The following ADGRV1 variants were observed in gnomAD, a reference collection of about 807,000 sequenced individuals.
ADGRV1 encodes G-protein coupled receptor 98.
A neutral mutation model predicts 596.2 loss-of-function variants in ADGRV1; 359 were observed. The ratio of observed to expected loss-of-function variants is 0.60; its 90% CI spans 0.55 to 0.66. The LOEUF is 0.66. Ranked by LOEUF, ADGRV1 falls within the 30% of genes least tolerant of loss-of-function variation. ADGRV1 has a pLI of 0.00. For missense variants in ADGRV1, 7,274 were observed against 7,575.6 expected, an observed-to-expected ratio of 0.96 and a Z score of 1.48; for synonymous variants, 2,681 against 2,679.2, an observed-to-expected ratio of 1.00 and a Z score of -0.02.
At chr5:90,598,191 G>A (rs1485758870) in intron 1 of ADGRV1, among the ~76,000 whole-genome samples, 1 of 152,116 alleles carries the variant, frequency 6.6e-6, no homozygotes, top group Non-Finnish European at 1.5e-5. Context: ...TGTTTACTGC[G>A]GTATACCCAC....
At chr5:90,831,446 G>A (rs139911045) in intron 77 of ADGRV1, among the ~76,000 whole-genome samples, 2 of 152,054 alleles carry the variant, frequency 1.3e-5, no homozygotes, top group African/African-American at 4.8e-5. Context: ...GTACATAGTA[G>A]ATGTATATAT....
intron 85 of ADGRV1, among the ~76,000 whole-genome samples, chr5:91,014,451 T>C (rs2151161954): frequency 6.6e-6 from 1 of 152,218 alleles, no homozygotes; most frequent in African/African-American, 2.4e-5. Context: ...ATAGAAATAG[T>C]ACCAGCTCTT....
chr5:91,111,916 CACA>C (rs1244148088), intron 87 of ADGRV1, among the ~76,000 whole-genome samples: 3 of 152,176 alleles, frequency 2.0e-5, no homozygotes, highest in Non-Finnish European at 1.5e-5. Flanking sequence ...TCTATAACTT[CACA>C]AATAAATATA....
intron 22 of ADGRV1, among the ~76,000 whole-genome samples, chr5:90,673,627 G>A (rs1772810188): frequency 6.6e-6 from 1 of 152,032 alleles, no homozygotes; most frequent in African/African-American, 2.4e-5. Flanking sequence ...CAAAGATATG[G>A]TGCCTTCTCA....
chr5:90,985,316 G>A (rs771026614), intron 84 of ADGRV1, 28 bp from the exon 85 acceptor site: 1 of 1,545,294 alleles, frequency 6.5e-7, no homozygotes, highest in South Asian at 1.3e-5. Context: ...AGAAGAGCCT[G>A]TTCATTTTAT....
chr5:90,586,932 T>C (rs1362808195), intron 1 of ADGRV1, among the ~76,000 whole-genome samples: 1 of 152,240 alleles, frequency 6.6e-6, no homozygotes, highest in African/African-American at 2.4e-5. Flanking sequence ...AACTTTTTCC[T>C]TAACAACTTG....
intron 77 of ADGRV1, 42 bp downstream of exon 77, chr5:90,829,228 T>G (rs781166294): frequency 9.5e-6 from 13 of 1,365,490 alleles, no homozygotes. Flanking sequence ...TATGGTTTTC[T>G]TCTTTAACTA....
Position 90,694,327 on chromosome 5 carries a change from T to C in ADGRV1, c.7571T>C (p.Val2524Ala), listed in dbSNP as rs191036195. The part of the protein sequence containing the change: ...QEGDEFANLT[V>A]SILPDDFPEM... Reference sequence around the variant, plus strand: ...GGTGATGAATTCGCAAATCTCACAGTGTCTATTCTTCCTGATGATTTCCCA... The same window carrying C: ...GGTGATGAATTCGCAAATCTCACAGCGTCTATTCTTCCTGATGATTTCCCA... Residue 2524 changes from valine to alanine, a missense_variant, in exon 33 of 90, where the codon GTG becomes GCG. Val to Ala is a moderately conservative substitution (Grantham distance 64). Around this residue, in one of 5 missense-constraint regions of ADGRV1, gnomAD observed 3,643 missense variants for 3,809.2 expected, o/e 0.96. Transcript: ENST00000405460. The C allele has an allele frequency of 6.2e-6, 10 of 1,613,874 alleles. No homozygotes were observed. Among genetic ancestry groups the C allele is most frequent in the African/African-American group, 5.3e-5 (4 of 74,934 alleles).
Position 90,807,613 on chromosome 5 carries a change from T to C in ADGRV1, c.14848T>C (p.Phe4950Leu). The C allele has an allele frequency of 6.2e-7, 1 of 1,611,602 alleles. No homozygotes were observed. The highest frequency in any genetic ancestry group is 8.5e-7 in the Non-Finnish European group (1 of 1,178,400). The change falls in exon 73 of 90, where the codon TTT (phenylalanine) becomes CTT (leucine). Residue 4950 changes from phenylalanine (F) to leucine (L), a missense_variant. Phe to Leu is a conservative substitution (Grantham distance 22, BLOSUM62 0). Around this residue, in one of 5 missense-constraint regions of ADGRV1, gnomAD observed 1,874 missense variants for 1,970.2 expected, o/e 0.95. Coordinates refer to ENST00000405460, the MANE Select transcript of ADGRV1 (RefSeq NM_032119.4). The part of the protein sequence containing the change: ...NMTPTLGSLS[F>L]SHGEQRKGVF... ...ATGTTTTCTTTCAGGGAGCCTTTCA[T>C]TTTCCCACGGTGAACAAAGGAAAGG... is the stretch of plus-strand genomic sequence containing the variant.
At chr5:90,573,706 A>G (rs933082766) in intron 1 of ADGRV1, among the ~76,000 whole-genome samples, 1 of 152,194 alleles carries the variant, frequency 6.6e-6, no homozygotes, top group Non-Finnish European at 1.5e-5. Flanking sequence ...TCTGAGACAA[A>G]TTATTGAAGT....
intron 42 of ADGRV1, among the ~76,000 whole-genome samples, chr5:90,715,667 T>C (rs74390724): frequency 1.4e-5 from 2 of 141,870 alleles, no homozygotes; most frequent in Non-Finnish European, 3.1e-5. Context: ...TTTTTTTTTT[T>C]AAATAGCTGA....
chr5:90,595,905 CTCCCGGATGGGGT>C (rs1760439440), intron 1 of ADGRV1, among the ~76,000 whole-genome samples: 1 of 130,980 alleles, frequency 7.6e-6, no homozygotes, highest in Non-Finnish European at 1.8e-5. Context: ...CCCCACCTCC[CTCCCGGATGGGGT>C]GGCTGCCGGG....
chr5:91,004,006 A>G (rs952252053), intron 85 of ADGRV1, among the ~76,000 whole-genome samples: 3 of 152,168 alleles, frequency 2.0e-5, no homozygotes, highest in African/African-American at 7.2e-5. Flanking sequence ...TAAAGTATAC[A>G]TTCAGATTAA....
rs190427962 is a variant in ADGRV1 at position 90,628,734 on chromosome 5, G to C, written c.1411G>C (p.Val471Leu). ...GQMLATIPLT[V>L]VDDDLPEEAE... Reference sequence around the variant, plus strand: ...GATGTTGGCAACAATTCCTCTTACTGTGGTTGATGATGATCTTCCAGAAGA... The same window carrying C: ...GATGTTGGCAACAATTCCTCTTACTCTGGTTGATGATGATCTTCCAGAAGA... Residue 471 changes from valine (V) to leucine (L), a missense_variant, in exon 8 of 90, where the codon GTG becomes CTG. By Grantham distance (32) the Val-to-Leu change is conservative. This residue lies in a region of ADGRV1 where 1,715 missense variants were observed against 1,708.8 expected (regional missense o/e 1.00). Coordinates refer to ENST00000405460, the MANE Select transcript of ADGRV1 (RefSeq NM_032119.4). 1.6e-5 allele frequency: 26 copies of C among 1,613,982 alleles called. No individual in the cohort carries two copies. In the African/African-American group the frequency reaches 2.4e-4, roughly 15 times the overall value.
chr5:90,759,998 G>GGC (rs368487259), intron 58 of ADGRV1: 2,047 of 155,542 alleles, frequency 0.013, 80 homozygotes, highest in African/African-American at 0.056. Flanking sequence ...AAAAAGGCCG[G>GGC]GCGCAGTGGC....
chr5:90,805,203 A>G (rs1193561371), intron 71 of ADGRV1, 81 bp from the exon 72 acceptor site: 1 of 1,181,696 alleles, frequency 8.5e-7, no homozygotes, highest in Non-Finnish European at 1.2e-6. Context: ...AAACCAAGGG[A>G]AAGTTTACGT....
chr5:90,688,699 G>A (rs1416911356), intron 29 of ADGRV1, among the ~76,000 whole-genome samples: 2 of 152,148 alleles, frequency 1.3e-5, no homozygotes, highest in African/African-American at 2.4e-5. Flanking sequence ...CTATGAATTT[G>A]AAAGCTATGA....
chr5:90,795,749 T>C (rs1201439457), intron 70 of ADGRV1, among the ~76,000 whole-genome samples: 1 of 152,110 alleles, frequency 6.6e-6, no homozygotes, highest in African/African-American at 2.4e-5. Context: ...ACAGGAGAGC[T>C]CTGGCTGGCA....
intron 83 of ADGRV1, among the ~76,000 whole-genome samples, chr5:90,869,051 C>T (rs554420831): frequency 3.4e-4 from 51 of 152,110 alleles, no homozygotes; most frequent in African/African-American, 8.9e-4. Flanking sequence ...GCACACAAAG[C>T]GTGTAAATAA....
Sources: gnomAD v4.1 joint callset for allele counts (sites outside exome capture counted in the v4.1 genomes callset) on GRCh38, gnomAD v4.1.1 for gene constraint, gnomAD v4.1.1 regional missense constraint, MANE v1.5 for transcripts, NCBI Gene and HGNC (gene_info 2026-07-23, HGNC 2026-07-21) for gene names.